The following DPP10 variants were observed in gnomAD, a reference collection of about 807,000 sequenced individuals.
DPP10 encodes dipeptidyl peptidase like 10, also known as inactive dipeptidyl peptidase 10.
A neutral mutation model predicts 120.9 loss-of-function variants in DPP10; 33 were observed. The observed-to-expected ratio is 0.27, with a 90% CI of 0.21 to 0.37. The LOEUF (loss-of-function observed/expected upper bound fraction) is 0.37. Among genes scored for constraint, DPP10 ranks in the 10% least tolerant of loss-of-function variants. DPP10 has a pLI of 1.00. For missense variants in DPP10, 816 were observed against 942.8 expected (o/e 0.87, Z 1.76); for synonymous variants, 337 against 326.1 (o/e 1.03, Z -0.36).
chr2:115,738,706 G>A (rs1559094462), intron 8 of DPP10, among the ~76,000 whole-genome samples: 3 of 152,114 alleles, frequency 2.0e-5, no homozygotes, highest in Non-Finnish European at 2.9e-5. Context: ...TTGAGAAGGT[G>A]ATAAATTCCA....
chr2:115,263,631 A>G (rs2059342748), intron 1 of DPP10, among the ~76,000 whole-genome samples: 1 of 152,154 alleles, frequency 6.6e-6, no homozygotes. Flanking sequence ...ACATATTTAA[A>G]CATGATAGCT....
At chr2:115,579,807 AAATT>A (rs901193056) in intron 5 of DPP10, 2 of 152,118 alleles carry the variant, frequency 1.3e-5, no homozygotes, top group African/African-American at 4.8e-5. Flanking sequence ...CATTTTTTAA[AAATT>A]AATTTTAATT....
intron 3 of DPP10, among the ~76,000 whole-genome samples, chr2:115,381,881 G>A (rs189093275): frequency 6.6e-6 from 1 of 151,808 alleles, no homozygotes; most frequent in East Asian, 2.0e-4. Context: ...CAGGGGTCAG[G>A]GACCCACTTG....
At chr2:115,719,086 A>G (rs572886696) in intron 7 of DPP10, among the ~76,000 whole-genome samples, 2 of 152,306 alleles carry the variant, frequency 1.3e-5, no homozygotes, top group African/African-American at 2.4e-5. Flanking sequence ...CTTATGCTAA[A>G]TAAGTTTTAT....
chr2:115,746,223 T>C (rs1380412236), intron 10 of DPP10, 40 bp downstream of exon 10: 1 of 1,482,914 alleles, frequency 6.7e-7, no homozygotes, highest in Non-Finnish European at 9.4e-7. Context: ...GAAATAGATA[T>C]TTTCACTCCA....
chr2:114,643,936 T>TA (rs34716174), intron 1 of DPP10, among the ~76,000 whole-genome samples: 1,464 of 111,906 alleles, frequency 0.013, 21 homozygotes, highest in African/African-American at 0.035. Flanking sequence ...TATATATATA[T>TA]TTTTTTTTTT....
At chr2:114,698,815 C>A (rs1700217002) in intron 1 of DPP10, among the ~76,000 whole-genome samples, 1 of 152,032 alleles carries the variant, frequency 6.6e-6, no homozygotes, top group South Asian at 2.1e-4. Flanking sequence ...GGGCTTGGTG[C>A]ATTCAAATGA....
intron 1 of DPP10, among the ~76,000 whole-genome samples, chr2:115,012,398 A>G (rs1446500776): frequency 6.6e-6 from 1 of 152,134 alleles, no homozygotes; most frequent in Non-Finnish European, 1.5e-5. Context: ...CACATTAAAC[A>G]AAAACACAAC....
intron 21 of DPP10, among the ~76,000 whole-genome samples, chr2:115,830,896 T>C (rs1403992252): frequency 1.3e-5 from 2 of 152,170 alleles, no homozygotes; most frequent in African/African-American, 4.8e-5. Context: ...TTATTTGTTA[T>C]GTAAAGTTTT....
intron 1 of DPP10, among the ~76,000 whole-genome samples, chr2:115,184,396 A>G (rs1389072516): frequency 6.6e-6 from 1 of 152,202 alleles, no homozygotes; most frequent in Non-Finnish European, 1.5e-5. Flanking sequence ...GAAAGTAAAG[A>G]AAAGTTGCGT....
Position 115,373,977 on chromosome 2 carries a change from C to T in DPP10, c.271+30065C>T, listed in dbSNP as rs530699656. 6.6e-5 allele frequency among the ~76,000 whole-genome samples: 10 copies of T among 151,930 alleles called. No homozygotes were observed. The South Asian group carries it at 2.1e-3, about 32-fold the overall frequency. On this transcript the variant is annotated intron_variant, in intron 3 of 25. Transcript: ENST00000410059. ...AACTTACTCACTATCATGAGAAAAA[C>T]AAGGCGGATATCTGCCCCCATGTTC...
chr2:114,547,030 A>G (rs890233506), intron 1 of DPP10, among the ~76,000 whole-genome samples: 1 of 152,230 alleles, frequency 6.6e-6, no homozygotes, highest in Non-Finnish European at 1.5e-5. Flanking sequence ...AGTCAGATAC[A>G]TTTTAAATCC....
chr2:115,183,030 C>T (rs762230076), intron 1 of DPP10, among the ~76,000 whole-genome samples: 7 of 147,654 alleles, frequency 4.7e-5, no homozygotes, highest in African/African-American at 9.8e-5. Flanking sequence ...CACACACACA[C>T]GTACGTGCAT....
At position 114,969,216 on chromosome 2, in the gene DPP10, A is replaced by G. The variant is rs148820694; in HGVS notation, c.61-340023A>G. 3.1e-4 allele frequency among the ~76,000 whole-genome samples: 47 copies of G among 152,326 alleles called. 5 individuals carry two copies. Among genetic ancestry groups the G allele is most frequent in the African/African-American group, 1.1e-3 (45 of 41,580 alleles). ...TCACACAATAATGCAGACTCATATT[A>G]CTCTTGAATTATTACAGTAAATGTG... On this transcript the variant is annotated intron_variant, in intron 1 of 25. Coordinates refer to ENST00000410059, the MANE Select transcript of DPP10 (RefSeq NM_020868.6).
In DPP10 at chr2:115,771,056, GTATTTATT is replaced by G. The variant is rs5833633; in HGVS notation, c.1221+2678_1221+2685del. Among the ~76,000 whole-genome samples, 255 of 149,180 alleles carry G rather than the reference GTATTTATT, an allele frequency of 1.7e-3. 3 individuals carry two copies. Among genetic ancestry groups the G allele is most frequent in the East Asian group, 0.015 (75 of 5,022 alleles). ...TTACAGCAAGCAGATATACTGTACTGTATTTATTTATTTATTTATTTATTTATTTATTT... is the reference window on the plus strand; with the variant it reads ...TTACAGCAAGCAGATATACTGTACTGTATTTATTTATTTATTTATTTATTT... On this transcript the variant is annotated intron_variant, in intron 13 of 25. Coordinates refer to ENST00000410059, the MANE Select transcript of DPP10 (RefSeq NM_020868.6).
intron 1 of DPP10, among the ~76,000 whole-genome samples, chr2:115,293,306 G>C (rs934213682): frequency 1.2e-4 from 17 of 141,372 alleles, no homozygotes; most frequent in Non-Finnish European, 1.7e-4. Flanking sequence ...TTATGATTAA[G>C]GTATTTAGTA....
At chr2:114,679,771 T>A (rs1416751028) in intron 1 of DPP10, among the ~76,000 whole-genome samples, 3 of 152,026 alleles carry the variant, frequency 2.0e-5, no homozygotes, top group African/African-American at 7.2e-5. Flanking sequence ...GCTTTCTCAC[T>A]GATTACAAGA....
intron 1 of DPP10, among the ~76,000 whole-genome samples, chr2:114,521,957 G>A (rs1243581387): frequency 2.7e-5 from 4 of 146,758 alleles, no homozygotes; most frequent in South Asian, 2.2e-4. Context: ...ACAGGCGCCC[G>A]CCACCGCGCC....
rs1192749111 is a variant in DPP10 at position 115,777,122 on chromosome 2, G to A, written c.1222-86G>A. On this transcript the variant is annotated intron_variant, in intron 13 of 25. Coordinates refer to ENST00000410059, the MANE Select transcript of DPP10 (RefSeq NM_020868.6). The stretch of plus-strand genomic sequence containing the variant: ...TTAACTGAGAATTAGAGAATTCGAA[G>A]TGTCACAAGCAGTTGGTACATTCGT... 2.3e-5 allele frequency: 26 copies of A among 1,143,480 alleles called. No individual in the cohort carries two copies. The South Asian group carries it at 3.3e-4, about 15-fold the overall frequency. 70.8% of individuals were successfully genotyped at this position (1,143,480 alleles called of 1,614,324 possible).
Sources: gnomAD v4.1 joint callset for allele counts (sites outside exome capture counted in the v4.1 genomes callset) on GRCh38, gnomAD v4.1.1 for gene constraint, MANE v1.5 for transcripts, NCBI Gene and HGNC (gene_info 2026-07-23, HGNC 2026-07-21) for gene names.